The following AGAP1 variants were observed in gnomAD, a reference collection of about 807,000 sequenced individuals.
The protein encoded by AGAP1 is arf-GAP with GTPase, ANK repeat and PH domain-containing protein 1.
In AGAP1, 29 loss-of-function variants were observed where a neutral mutation model predicts 105.3. The observed-to-expected ratio is 0.28, with a 90% CI of 0.21 to 0.38. The LOEUF is 0.38. Among genes scored for constraint, AGAP1 ranks in the 10% least tolerant of loss-of-function variants. AGAP1 has a pLI of 1.00. For missense variants in AGAP1, 998 were observed against 1,165.1 expected (o/e 0.86, Z 2.09); for synonymous variants, 509 against 485.9 (o/e 1.05, Z -0.63).
At chr2:236,011,904 C>T (rs1430436636) in intron 13 of AGAP1, among the ~76,000 whole-genome samples, 3 of 152,000 alleles carry the variant, frequency 2.0e-5, no homozygotes, top group African/African-American at 7.3e-5. Context: ...CCATTTGGCA[C>T]AGTGTCTCCG....
At chr2:235,510,469 C>G (rs1245327454) in intron 1 of AGAP1, among the ~76,000 whole-genome samples, 1 of 152,136 alleles carries the variant, frequency 6.6e-6, no homozygotes, top group Non-Finnish European at 1.5e-5. Flanking sequence ...GGAGTTGTTT[C>G]CAGTTCTTGG....
At chr2:235,876,895 T>C (rs1378778969) in intron 9 of AGAP1, among the ~76,000 whole-genome samples, 1 of 150,802 alleles carries the variant, frequency 6.6e-6, no homozygotes, top group African/African-American at 2.4e-5. Flanking sequence ...TTGCCCAGTC[T>C]GGAGTGCAAT....
intron 2 of AGAP1, among the ~76,000 whole-genome samples, chr2:235,713,552 G>A (rs1479918264): frequency 1.3e-5 from 2 of 152,226 alleles, no homozygotes; most frequent in Non-Finnish European, 2.9e-5. Flanking sequence ...GAGACAAGGT[G>A]CCTGTCCTTG....
rs1023268294 is a variant in AGAP1, at chr2:235,976,427, G to T, written c.1645+7804G>T. On this transcript the variant is annotated intron_variant, in intron 13 of 17. Transcript: ENST00000304032. This position sits in a 1 kb window ranked among gnomAD's most constrained non-coding sequence, Gnocchi z 4.5. ...TCAGATCCTTTGTGGAAGCCAGCAG[G>T]TCGGAAATAAACAAAGATGAGTCGA... is the stretch of plus-strand genomic sequence containing the variant. Among the ~76,000 whole-genome samples the T allele has an allele frequency of 3.9e-5, 6 of 152,174 alleles. No individual in the cohort carries two copies. The highest frequency in any genetic ancestry group is 7.3e-5 in the Non-Finnish European group (5 of 68,038).
At chr2:235,672,574 GA>G (rs756924287) in intron 1 of AGAP1, among the ~76,000 whole-genome samples, 11 of 152,228 alleles carry the variant, frequency 7.2e-5, no homozygotes, top group Non-Finnish European at 1.3e-4. Context: ...TTTGTTAAAA[GA>G]ATTGGTTTGC....
At chr2:235,939,489 C>T (rs932814994) in intron 12 of AGAP1, among the ~76,000 whole-genome samples, 1 of 152,040 alleles carries the variant, frequency 6.6e-6, no homozygotes, top group Non-Finnish European at 1.5e-5. Context: ...CATACCTGCT[C>T]GGCCATCGCT....
intron 1 of AGAP1, among the ~76,000 whole-genome samples, chr2:235,706,103 C>T (rs554809912): frequency 6.6e-6 from 1 of 152,202 alleles, no homozygotes. Context: ...TCTCATCACC[C>T]TTGACTTCAG....
intron 1 of AGAP1, among the ~76,000 whole-genome samples, chr2:235,593,868 C>G (rs919065934): frequency 6.6e-6 from 1 of 151,964 alleles, no homozygotes; most frequent in Non-Finnish European, 1.5e-5. Context: ...GCTTGGGAGG[C>G]TGAGGTAGGA....
intron 1 of AGAP1, among the ~76,000 whole-genome samples, chr2:235,580,659 A>C (rs980714911): frequency 1.3e-5 from 2 of 152,250 alleles, no homozygotes; most frequent in Non-Finnish European, 2.9e-5. Context: ...TGGTTTTGTT[A>C]CCTGCTGATA....
intron 1 of AGAP1, among the ~76,000 whole-genome samples, chr2:235,554,402 G>A (rs1412133430): frequency 6.6e-6 from 1 of 152,208 alleles, no homozygotes; most frequent in Non-Finnish European, 1.5e-5. Flanking sequence ...TAGAGATGGG[G>A]CACCTGTGCC....
intron 9 of AGAP1, among the ~76,000 whole-genome samples, chr2:235,841,391 G>T (rs191826974): frequency 7.2e-5 from 11 of 152,174 alleles, no homozygotes; most frequent in African/African-American, 2.7e-4. Flanking sequence ...CACTGTAGGA[G>T]GCCAAGGCGA....
In AGAP1 at chr2:236,042,652, C is replaced by G. The variant is rs930186975; in HGVS notation, c.1891+1811C>G. On this transcript the variant is annotated intron_variant, in intron 15 of 17. Coordinates refer to ENST00000304032, the MANE Select transcript of AGAP1 (RefSeq NM_001037131.3). The surrounding 1 kb of genome is among the most constrained non-coding windows in gnomAD (Gnocchi z 5.6). ...CCGTGGCTTGCGGGGACCATGATAC[C>G]TGGCAAATCGGAGGTCGCAGGTCCT... Among the ~76,000 whole-genome samples, 1 of 152,098 alleles carries G rather than the reference C, an allele frequency of 6.6e-6. No homozygotes were observed. Among genetic ancestry groups the G allele is most frequent in the African/African-American group, 2.4e-5 (1 of 41,410 alleles).
At position 235,716,225 on chromosome 2, in the gene AGAP1, T is replaced by G. The variant is rs1951097702; in HGVS notation, c.223-1332T>G. On this transcript the variant is annotated intron_variant, in intron 2 of 17. Coordinates refer to ENST00000304032, the MANE Select transcript of AGAP1 (RefSeq NM_001037131.3). This position sits in a 1 kb window ranked among gnomAD's most constrained non-coding sequence, Gnocchi z 4.0. ...GGAGGATCAGCTGGAGATGTGAGGATGGAGCCCTGGCGAGTCCCAGTATGT... is the reference window on the plus strand; with the variant it reads ...GGAGGATCAGCTGGAGATGTGAGGAGGGAGCCCTGGCGAGTCCCAGTATGT... Among the ~76,000 whole-genome samples the G allele has an allele frequency of 6.6e-6, 1 of 152,068 alleles. No homozygotes were observed. The highest frequency in any genetic ancestry group is 2.1e-4 in the South Asian group (1 of 4,808).
At position 236,092,454 on chromosome 2, in the gene AGAP1, G is replaced by A. The variant is rs1055463248; in HGVS notation, c.2115-27738G>A. Among the ~76,000 whole-genome samples the A allele has an allele frequency of 5.3e-5, 8 of 152,096 alleles. No individual in the cohort carries two copies. The East Asian group carries it at 7.7e-4, about 15-fold the overall frequency. On this transcript the variant is annotated intron_variant, in intron 16 of 17. Transcript: ENST00000304032. The surrounding 1 kb of genome is among the most constrained non-coding windows in gnomAD (Gnocchi z 4.7). The stretch of plus-strand genomic sequence containing the variant: ...GTCACCCAGGCTGGAGTGTAGTGGT[G>A]CAGTCTCGTCTCACTGCAACCTCCG...
chr2:235,688,460 T>G (rs1289758798), intron 1 of AGAP1, among the ~76,000 whole-genome samples: 1 of 152,174 alleles, frequency 6.6e-6, no homozygotes, highest in African/African-American at 2.4e-5. Context: ...CCAGCCCCTC[T>G]ACTTCAGACA....
chr2:235,533,031 C>A, intron 1 of AGAP1, among the ~76,000 whole-genome samples: 1 of 152,106 alleles, frequency 6.6e-6, no homozygotes, highest in East Asian at 1.9e-4. Context: ...CAGTAACTTG[C>A]TATAGATTTT....
At chr2:235,862,344 G>A (rs1350969449) in intron 9 of AGAP1, among the ~76,000 whole-genome samples, 1 of 152,190 alleles carries the variant, frequency 6.6e-6, no homozygotes, top group African/African-American at 2.4e-5. Context: ...CCTTGTCATC[G>A]TCATCAAAGT....
At position 235,952,708 on chromosome 2, in the gene AGAP1, A is replaced by G. The variant is rs186774771; in HGVS notation, c.1484-15754A>G. 2.3e-3 allele frequency among the ~76,000 whole-genome samples: 356 copies of G among 152,132 alleles called. 1 individual carries two copies. Among genetic ancestry groups the G allele is most frequent in the Non-Finnish European group, 4.5e-3 (303 of 68,012 alleles). On this transcript the variant is annotated intron_variant, in intron 12 of 17. Transcript: ENST00000304032. Reference sequence around the variant, plus strand: ...GTGGCCCTGGGTAGTTGTTGATCATATCTGTAAATATCTGGAGTTTCCGCA... The same window carrying G: ...GTGGCCCTGGGTAGTTGTTGATCATGTCTGTAAATATCTGGAGTTTCCGCA...
intron 13 of AGAP1, among the ~76,000 whole-genome samples, chr2:235,999,288 AGGTGGTGGTGGTGATGGTGATGGT>A (rs1559176776): frequency 9.1e-6 from 1 of 110,086 alleles, no homozygotes; most frequent in African/African-American, 4.5e-5. Flanking sequence ...CGATGCTGAG[AGGTGGTGGTGGTGATGGTGATGGT>A]GGTGGTGGTG....
Sources: gnomAD v4.1 joint callset for allele counts (sites outside exome capture counted in the v4.1 genomes callset) on GRCh38, gnomAD v4.1.1 for gene constraint, Gnocchi (gnomAD v3.1) non-coding constraint, MANE v1.5 for transcripts, NCBI Gene and HGNC (gene_info 2026-07-23, HGNC 2026-07-21) for gene names.